The following UNC5C variants were observed in gnomAD, a reference collection of about 807,000 sequenced individuals.
UNC5C encodes unc-5 netrin receptor C.
UNC5C carries 47 observed loss-of-function variants against 99.8 expected under a neutral mutation model. The observed-to-expected ratio is 0.47, with a 90% confidence interval of 0.37 to 0.60. The LOEUF is 0.60. UNC5C is among the 20% of genes least tolerant of loss of function. The pLI, the probability that UNC5C is intolerant of heterozygous loss-of-function variation, is 0.00. For synonymous variants in UNC5C, 487 were observed against 452.2 expected (o/e 1.08, Z -0.98); for missense variants, 1,062 against 1,165.9 (o/e 0.91, Z 1.30).
At chr4:95,330,691 C>T (rs2149418338) in intron 2 of UNC5C, among the ~76,000 whole-genome samples, 2 of 152,104 alleles carry the variant, frequency 1.3e-5, no homozygotes, top group Non-Finnish European at 2.9e-5. Flanking sequence ...TGATAATTTT[C>T]TACTTTCTTC....
At chr4:95,227,309 C>T (rs1738736454) in intron 7 of UNC5C, among the ~76,000 whole-genome samples, 1 of 151,486 alleles carries the variant, frequency 6.6e-6, no homozygotes, top group Non-Finnish European at 1.5e-5. Context: ...ACCACCACAC[C>T]CAGGCTATTT....
At chr4:95,262,063 A>G (rs1216174033) in intron 4 of UNC5C, among the ~76,000 whole-genome samples, 1 of 152,224 alleles carries the variant, frequency 6.6e-6, no homozygotes, top group Non-Finnish European at 1.5e-5. Flanking sequence ...GAAGAAAGAC[A>G]TCTTTTGCAT....
In UNC5C at chr4:95,280,206, T is replaced by C. The variant is rs35071690; in HGVS notation, c.491-1844A>G. The stretch of plus-strand genomic sequence containing the variant: ...GGAAAAAAATGCACTGAGAAAGGAC[T>C]GCATTGTTACACATTTGCCATATTG... On this transcript the variant is annotated intron_variant, in intron 3 of 15. Coordinates refer to ENST00000453304, the MANE Select transcript of UNC5C (RefSeq NM_003728.4). Among the ~76,000 whole-genome samples, 1,059 of 152,236 alleles carry C rather than the reference T, an allele frequency of 7.0e-3. 5 individuals are homozygous for C. The highest frequency in any genetic ancestry group is 9.5e-3 in the Non-Finnish European group (644 of 68,012).
intron 3 of UNC5C, among the ~76,000 whole-genome samples, chr4:95,280,286 A>T (rs924629298): frequency 3.3e-5 from 5 of 152,230 alleles, no homozygotes; most frequent in African/African-American, 4.8e-5. Flanking sequence ...TGAGAAAATC[A>T]TAGATCTATG....
At chr4:95,402,504 T>C (rs1029893314) in intron 1 of UNC5C, among the ~76,000 whole-genome samples, 6 of 152,342 alleles carry the variant, frequency 3.9e-5, no homozygotes, top group Admixed American at 2.6e-4. Context: ...AATGGTTCCC[T>C]CTGTTTCTGA....
chr4:95,397,876 C>T (rs372337146), intron 1 of UNC5C, among the ~76,000 whole-genome samples: 2 of 152,100 alleles, frequency 1.3e-5, no homozygotes, highest in Non-Finnish European at 2.9e-5. Flanking sequence ...ACTATCAAAA[C>T]ATTTCTTTAA....
chr4:95,175,668 C>T (rs973899291), intron 14 of UNC5C, among the ~76,000 whole-genome samples: 1 of 152,082 alleles, frequency 6.6e-6, no homozygotes, highest in Non-Finnish European at 1.5e-5. Context: ...TCTCTGGCTG[C>T]CCTTAACATT....
rs923755058 is a variant in UNC5C at position 95,168,440 on chromosome 4, T to A, written c.*794A>T. ...ATACCTGTAAATAATAATAATACCT[T>A]TAAAAAAAAACACTTCATATTGCAT... On this transcript the variant is annotated 3_prime_UTR_variant, in exon 16 of 16. Coordinates refer to ENST00000453304, the MANE Select transcript of UNC5C (RefSeq NM_003728.4). 2.6e-5 allele frequency: 4 copies of A among 152,528 alleles called. No individual in the cohort carries two copies. The highest frequency in any genetic ancestry group is 5.9e-5 in the Non-Finnish European group (4 of 67,986). 9.4% of individuals were successfully genotyped at this position (152,528 alleles called of 1,614,324 possible). A position where few individuals can be genotyped will look rare whatever the true frequency, so the allele number is the denominator to read the frequency against.
intron 1 of UNC5C, among the ~76,000 whole-genome samples, chr4:95,412,742 A>G (rs1746032800): frequency 6.6e-6 from 1 of 152,204 alleles, no homozygotes; most frequent in Non-Finnish European, 1.5e-5. Context: ...TGTGAGAGTT[A>G]ACACAATGAG....
intron 4 of UNC5C, 34 bp downstream of exon 4, chr4:95,278,225 C>G: frequency 6.4e-7 from 1 of 1,552,722 alleles, no homozygotes; most frequent in Non-Finnish European, 8.9e-7. Flanking sequence ...AACTTAGTGC[C>G]AATTGCTAAA....
rs753021614 is a variant in UNC5C, at chr4:95,220,026, T to G, written c.1259A>C (p.Asn420Thr). ...GATGTTCACAGGCTGAAAGCCCCCA[T>G]TGAGTGCCGAAGAGTCAATAATATC... ...ESDIIDSSAL[N>T]GGFQPVNIKA... Residue 420 changes from asparagine (N) to threonine (T), a missense_variant, in exon 8 of 16, where the codon AAT (asparagine) becomes ACT (threonine). By Grantham distance (65) the Asn-to-Thr change is moderately conservative (BLOSUM62 0). This residue lies in a region of UNC5C where 810 missense variants were observed against 854.5 expected (regional missense o/e 0.95). Transcript: ENST00000453304. 2 of 1,614,070 alleles carry G rather than the reference T, an allele frequency of 1.2e-6. No homozygotes were observed. The highest frequency in any genetic ancestry group is 1.7e-6 in the Non-Finnish European group (2 of 1,179,962).
At chr4:95,257,528 A>C (rs72674509) in intron 4 of UNC5C, among the ~76,000 whole-genome samples, 1 of 152,150 alleles carries the variant, frequency 6.6e-6, no homozygotes, top group Non-Finnish European at 1.5e-5. Flanking sequence ...GTATGTGGAA[A>C]GGGGGGTGCA....
chr4:95,310,596 A>G (rs6833714), intron 2 of UNC5C, among the ~76,000 whole-genome samples: 126,248 of 152,130 alleles, frequency 0.83, 52,577 homozygotes, highest in African/African-American at 0.89. Context: ...TTTATTCAAA[A>G]GTTAAATAAT....
At chr4:95,292,260 T>A (rs1353066244) in intron 3 of UNC5C, among the ~76,000 whole-genome samples, 4 of 59,570 alleles carry the variant, frequency 6.7e-5, no homozygotes, top group Non-Finnish European at 1.0e-4. Flanking sequence ...TATATATATA[T>A]ATATATAAAT....
chr4:95,306,040 AAAT>A (rs1373430034), intron 2 of UNC5C, among the ~76,000 whole-genome samples: 4 of 152,184 alleles, frequency 2.6e-5, no homozygotes, highest in African/African-American at 9.7e-5. Context: ...TGATTACTTA[AAAT>A]AATATCTGTA....
In UNC5C at chr4:95,460,446, G is replaced by C. The variant is rs180914672; in HGVS notation, c.124+88288C>G. Among the ~76,000 whole-genome samples the C allele has an allele frequency of 7.4e-3, 1,129 of 152,240 alleles. 5 individuals carry two copies. The highest frequency in any genetic ancestry group is 0.011 in the Non-Finnish European group (766 of 68,012). Reference sequence around the variant, plus strand: ...GTAGCTCCCATAATTCTTACATGCTGTGGGATGGACCTGCTGGGAGATAAC... The same window carrying C: ...GTAGCTCCCATAATTCTTACATGCTCTGGGATGGACCTGCTGGGAGATAAC... On this transcript the variant is annotated intron_variant, in intron 1 of 15. Coordinates refer to ENST00000453304, the MANE Select transcript of UNC5C (RefSeq NM_003728.4).
intron 1 of UNC5C, among the ~76,000 whole-genome samples, chr4:95,356,235 C>T (rs1272645778): frequency 7.0e-6 from 1 of 143,558 alleles, no homozygotes; most frequent in Admixed American, 7.0e-5. Flanking sequence ...AAAACAGATT[C>T]CTCGTTCTTC....
chr4:95,242,541 G>A lies in UNC5C; in HGVS notation c.996C>T (p.Cys332=), dbSNP rs1358363280. ...WSKWSTCGTE[C]THWRRRECTA... ...TGCACTCCCTCCTGCGCCAGTGGGT[G>A]CACTCAGTTCCACAAGTAGACCACT... Residue 332 remains cysteine, a synonymous_variant, in exon 7 of 16, where the codon TGC becomes TGT. Transcript: ENST00000453304. 5 of 1,610,698 alleles carry A rather than the reference G, an allele frequency of 3.1e-6. No individual in the cohort carries two copies. Among genetic ancestry groups the A allele is most frequent in the East Asian group, 4.5e-5 (2 of 44,812 alleles).
Position 95,354,479 on chromosome 4 carries a change from A to ATATATATATTTTTT in UNC5C, c.125-18849_125-18848insAAAAAATATATATA. On this transcript the variant is annotated intron_variant, in intron 1 of 15. Coordinates refer to ENST00000453304, the MANE Select transcript of UNC5C (RefSeq NM_003728.4). ...TTACCTAACTCTTCCATATATATAT[A>ATATATATATTTTTT]TTTTTTTTTTTTTTTTAAGAGACAG... 2.5e-3 allele frequency among the ~76,000 whole-genome samples: 275 copies of ATATATATATTTTTT among 110,318 alleles called. 4 individuals carry two copies. The highest frequency in any genetic ancestry group is 9.7e-3 in the African/African-American group (241 of 24,724). The allele number at this position is 110,318 out of a possible 152,430, so 72.4% of individuals were successfully genotyped here.
Sources: gnomAD v4.1 joint callset for allele counts (sites outside exome capture counted in the v4.1 genomes callset) on GRCh38, gnomAD v4.1.1 for gene constraint, gnomAD v4.1.1 regional missense constraint, MANE v1.5 for transcripts, NCBI Gene and HGNC (gene_info 2026-07-23, HGNC 2026-07-21) for gene names.